The following PCDH1 variants were observed in gnomAD, a reference collection of about 807,000 sequenced individuals.
PCDH1 encodes protocadherin 1.
In PCDH1, 23 loss-of-function variants were observed where a neutral mutation model predicts 74.6. The observed-to-expected ratio is 0.31, with a 90% CI of 0.22 to 0.44. The LOEUF (loss-of-function observed/expected upper bound fraction) is 0.44. PCDH1 is among the 20% of genes least tolerant of loss of function. The pLI is 1.00. For synonymous variants in PCDH1, 647 were observed against 686.1 expected, an observed-to-expected ratio of 0.94 and a Z score of 0.89; for missense variants, 1,214 against 1,641.4, an observed-to-expected ratio of 0.74 and a Z score of 4.50.
rs772742317 is a variant in PCDH1 at position 141,854,058 on chromosome 5, C to CGCTTGGCCGTCTGGGCAGATGCCG, written c.3674_3697dup (p.Pro1225_Lys1232dup). On this transcript the variant is annotated inframe_insertion, in exon 5 of 5. Transcript: ENST00000287008. The stretch of plus-strand genomic sequence containing the variant: ...GTAGGGGGCTCACAGGTAGATCTCG[C>CGCTTGGCCGTCTGGGCAGATGCCG]GCTTGGCCGTCTGGGCAGATGCCGG... 6.7e-7 allele frequency: 1 copy of CGCTTGGCCGTCTGGGCAGATGCCG among 1,501,696 alleles called. No homozygotes were observed. Among genetic ancestry groups the CGCTTGGCCGTCTGGGCAGATGCCG allele is most frequent in the East Asian group, 2.5e-5 (1 of 40,152 alleles). The allele number at this position is 1,501,696 out of a possible 1,614,324, so 93.0% of individuals were successfully genotyped here.
At position 141,854,252 on chromosome 5, in the gene PCDH1, G is replaced by T. The variant is rs1270369302; in HGVS notation, c.3504C>A (p.Gly1168=). 1 of 1,612,054 alleles carries T rather than the reference G, an allele frequency of 6.2e-7. No individual in the cohort carries two copies. Among genetic ancestry groups the T allele is most frequent in the Middle Eastern group, 1.7e-4 (1 of 6,032 alleles). Residue 1168 remains glycine, a synonymous_variant, in exon 5 of 5, where the codon GGC becomes GGA. Transcript: ENST00000287008. ...YQDRGGQEPA[G]AGSPSPPEDR... ...CTTCCGGGGGGCTGGGGCTGCCGGC[G>T]CCCGCAGGCTCCTGCCCTCCTCGGT...
chr5:141,871,570 T>C (rs750209351), intron 1 of PCDH1, among the ~76,000 whole-genome samples: 8 of 152,196 alleles, frequency 5.3e-5, no homozygotes, highest in Non-Finnish European at 1.0e-4. Flanking sequence ...CCTAGGGTGT[T>C]TGAGATACTG....
intron 3 of PCDH1, 126 bp from the exon 4 acceptor site, chr5:141,857,597 A>T: frequency 1.4e-6 from 1 of 707,984 alleles, no homozygotes. Context: ...GAAGAGACCC[A>T]GGCCCCAGCA....
chr5:141,867,698 G>A (rs1752909429), intron 2 of PCDH1: 1 of 422,152 alleles, frequency 2.4e-6, no homozygotes, highest in Admixed American at 3.0e-5. Context: ...TCCAGGATGG[G>A]TAATGGTGTC....
At chr5:141,875,570 C>G (rs1753203617) in intron 1 of PCDH1, among the ~76,000 whole-genome samples, 3 of 151,758 alleles carry the variant, frequency 2.0e-5, no homozygotes, top group African/African-American at 7.3e-5. Flanking sequence ...AGCTTACTAT[C>G]GCTTGCCCAG....
In PCDH1 at chr5:141,864,402, C is replaced by A. The variant is rs528488308; in HGVS notation, c.1929G>T (p.Glu643Asp). Reference sequence around the variant, plus strand: ...CCACTGAGAGCTGCACCTGGGCATTCTCCCCCTTGTCTCCATCAATGACAG... The same window carrying A: ...CCACTGAGAGCTGCACCTGGGCATTATCCCCCTTGTCTCCATCAATGACAG... ...MVTVIDGDKG[E>D]NAQVQLSVEQ... Residue 643 changes from glutamate to aspartate, a missense_variant, in exon 3 of 5, where the codon GAG (glutamate) becomes GAT (aspartate). By Grantham distance (45) the Glu-to-Asp change is conservative. Around this residue, in one of 4 missense-constraint regions of PCDH1, gnomAD observed 836 missense variants for 1,182.2 expected, o/e 0.71. Transcript: ENST00000287008. The surrounding 1 kb of genome is among the most constrained non-coding windows in gnomAD (Gnocchi z 5.9). The A allele has an allele frequency of 4.3e-6, 7 of 1,614,094 alleles. No individual in the cohort carries two copies. In the East Asian group the frequency reaches 1.1e-4, roughly 26 times the overall value.
intron 4 of PCDH1, 104 bp downstream of exon 4, chr5:141,857,148 A>G (rs1224048619): frequency 2.2e-6 from 2 of 908,108 alleles, no homozygotes; most frequent in East Asian, 2.7e-5. Context: ...ATGATGACTG[A>G]GCACATAATA....
In PCDH1 at chr5:141,864,716, C is replaced by T; in HGVS notation, c.1615G>A (p.Ala539Thr). The change falls in exon 3 of 5, where the codon GCT becomes ACT. Residue 539 changes from alanine to threonine, a missense_variant. Physicochemically the swap from Ala to Thr is moderately conservative, Grantham distance 58. Coordinates refer to ENST00000287008, the MANE Select transcript of PCDH1 (RefSeq NM_032420.5). This position sits in a 1 kb window ranked among gnomAD's most constrained non-coding sequence, Gnocchi z 5.9. ...GGCTCCAGAGAGTAAACCAGCTCAG[C>T]ATTAGAGCCAGAGTCAGCATCACTG... ...TASDADSGSN[A>T]ELVYSLEPEP... 6.2e-7 allele frequency: 1 copy of T among 1,614,174 alleles called. No individual in the cohort carries two copies. Among genetic ancestry groups the T allele is most frequent in the African/African-American group, 1.3e-5 (1 of 75,040 alleles).
chr5:141,864,118 T>G lies in PCDH1; in HGVS notation c.2213A>C (p.Gln738Pro). 6.2e-7 allele frequency: 1 copy of G among 1,610,200 alleles called. No individual in the cohort carries two copies. ...AGAGTCAAAGTCCTCGGCTGCCACC[T>G]GGCTGACCGTCTCACCAAGACGTGT... ...PQTRLGETVS[Q>P]VAAEDFDSGV... The change falls in exon 3 of 5, where the codon CAG becomes CCG. Residue 738 changes from glutamine to proline, a missense_variant. This residue lies in a region of PCDH1 where 836 missense variants were observed against 1,182.2 expected (regional missense o/e 0.71). Coordinates refer to ENST00000287008, the MANE Select transcript of PCDH1 (RefSeq NM_032420.5). The surrounding 1 kb of genome is among the most constrained non-coding windows in gnomAD (Gnocchi z 5.9).
At position 141,866,541 on chromosome 5, in the gene PCDH1, G is replaced by A. The variant is rs570293681; in HGVS notation, c.904-1114C>T. On this transcript the variant is annotated intron_variant, in intron 2 of 4. Coordinates refer to ENST00000287008, the MANE Select transcript of PCDH1 (RefSeq NM_032420.5). ...ACAGAATGTGACTGCTGTGGGGAGT[G>A]AGGGGAGAATAAGCATAACTTGGCA... Among the ~76,000 whole-genome samples the A allele has an allele frequency of 4.3e-4, 65 of 152,330 alleles. No individual in the cohort carries two copies. The South Asian group carries it at 0.013, about 31-fold the overall frequency.
Position 141,854,041 on chromosome 5 carries a change from C to T in PCDH1, c.*1G>A. On this transcript the variant is annotated 3_prime_UTR_variant, in exon 5 of 5. Transcript: ENST00000287008. ...GGGGGGCCGGCCGGCCAGTAGGGGG[C>T]TCACAGGTAGATCTCGCGCTTGGCC... is the stretch of plus-strand genomic sequence containing the variant. 6.7e-7 allele frequency: 1 copy of T among 1,501,274 alleles called. No individual in the cohort carries two copies. Among genetic ancestry groups the T allele is most frequent in the Non-Finnish European group, 8.9e-7 (1 of 1,125,546 alleles). The allele number at this position is 1,501,274 out of a possible 1,614,324, so 93.0% of individuals were successfully genotyped here. A position where few individuals can be genotyped will look rare whatever the true frequency, so the allele number is the denominator to read the frequency against.
Position 141,864,095 on chromosome 5 carries a change from A to T in PCDH1, c.2236T>A (p.Ser746Thr), listed in dbSNP as rs773340601. ...TAGATCAGCTCAGCATTGACACCAG[A>T]GTCAAAGTCCTCGGCTGCCACCTGG... ...VSQVAAEDFD[S>T]GVNAELIYSI... Residue 746 changes from serine (S) to threonine (T), a missense_variant, in exon 3 of 5, where the codon TCT becomes ACT. Around this residue, in one of 4 missense-constraint regions of PCDH1, gnomAD observed 836 missense variants for 1,182.2 expected, o/e 0.71. Transcript: ENST00000287008. This position sits in a 1 kb window ranked among gnomAD's most constrained non-coding sequence, Gnocchi z 5.9. 2.5e-6 allele frequency: 4 copies of T among 1,611,336 alleles called. No homozygotes were observed. In the South Asian group the frequency reaches 4.4e-5, roughly 18 times the overall value.
Position 141,863,973 on chromosome 5 carries a change from C to G in PCDH1, c.2358G>C (p.Gly786=). The G allele has an allele frequency of 6.2e-7, 1 of 1,613,710 alleles. No individual in the cohort carries two copies. Among genetic ancestry groups the G allele is most frequent in the Non-Finnish European group, 8.5e-7 (1 of 1,179,864 alleles). Reference sequence around the variant, plus strand: ...TGACCTTCACCACCAGGCGGTGTAGCCCATGGTGGCGCCGCTCAATCTCCT... The same window carrying G: ...TGACCTTCACCACCAGGCGGTGTAGGCCATGGTGGCGCCGCTCAATCTCCT... ...LEKEIERRHH[G]LHRLVVKVSD... The change falls in exon 3 of 5, where the codon GGG becomes GGC. Residue 786 remains glycine, a synonymous_variant. Transcript: ENST00000287008. This position sits in a 1 kb window ranked among gnomAD's most constrained non-coding sequence, Gnocchi z 7.5.
chr5:141,862,955 T>C, intron 3 of PCDH1: 1 of 1,240,912 alleles, frequency 8.1e-7, no homozygotes, highest in East Asian at 3.1e-5. Flanking sequence ...CAGTAGCTGG[T>C]CCAGGGTCCA....
At position 141,878,219 on chromosome 5, in the gene PCDH1, T is replaced by G; in HGVS notation, c.40+4A>C. ...TGCTGCCTCCACCGCCGCCGGATCC[T>G]TACCCGCCTCCGGGCAGCGCCGGCC... On this transcript the variant is annotated splice_donor_region_variant and intron_variant, in intron 1 of 4. Transcript: ENST00000287008. This position sits in a 1 kb window ranked among gnomAD's most constrained non-coding sequence, Gnocchi z 5.5. 1.4e-6 allele frequency: 2 copies of G among 1,419,378 alleles called. No individual in the cohort carries two copies. The highest frequency in any genetic ancestry group is 1.8e-6 in the Non-Finnish European group (2 of 1,088,000). 87.9% of individuals were successfully genotyped at this position (1,419,378 alleles called of 1,614,324 possible). A position where few individuals can be genotyped will look rare whatever the true frequency, so the allele number is the denominator to read the frequency against.
chr5:141,870,145 G>T (rs1753051540), intron 1 of PCDH1, among the ~76,000 whole-genome samples: 1 of 152,218 alleles, frequency 6.6e-6, no homozygotes, highest in East Asian at 1.9e-4. Flanking sequence ...TAAAAGGCCA[G>T]CTTGAATTGG....
Position 141,865,520 on chromosome 5 carries a change from A to G in PCDH1, c.904-93T>C, listed in dbSNP as rs552258499. On this transcript the variant is annotated intron_variant, in intron 2 of 4. Transcript: ENST00000287008. This position sits in a 1 kb window ranked among gnomAD's most constrained non-coding sequence, Gnocchi z 4.4. ...CACACATGCTGCCAATGTCCTTTCC[A>G]ACAAGCATGGCAGACACAGCCAATC... The G allele has an allele frequency of 7.2e-7, 1 of 1,392,530 alleles. No homozygotes were observed. The highest frequency in any genetic ancestry group is 2.3e-5 in the East Asian group (1 of 43,518). 86.3% of individuals were successfully genotyped at this position (1,392,530 alleles called of 1,614,324 possible).
intron 2 of PCDH1, chr5:141,867,616 TAA>T (rs77455268): frequency 0.034 from 13,085 of 387,284 alleles, no homozygotes; most frequent in South Asian, 0.049. Flanking sequence ...CACCAGGCTC[TAA>T]AAAAAAAAAA....
At chr5:141,858,540 C>A (rs2126806988) in intron 3 of PCDH1, among the ~76,000 whole-genome samples, 2 of 152,280 alleles carry the variant, frequency 1.3e-5, no homozygotes, top group Middle Eastern at 6.8e-3. Context: ...GGAACCGTGA[C>A]AGGCTGCTCC....
Sources: gnomAD v4.1 joint callset for allele counts (sites outside exome capture counted in the v4.1 genomes callset) on GRCh38, gnomAD v4.1.1 for gene constraint, gnomAD v4.1.1 regional missense constraint, Gnocchi (gnomAD v3.1) non-coding constraint, MANE v1.5 for transcripts, NCBI Gene and HGNC (gene_info 2026-07-23, HGNC 2026-07-21) for gene names.